The following ROBO1 variants were observed in gnomAD, a reference collection of about 807,000 sequenced individuals.
ROBO1 encodes the protein roundabout homolog 1.
Under a neutral mutation model 195.9 loss-of-function variants are expected in ROBO1, and 149 were observed. The ratio of observed to expected loss-of-function variants is 0.76; its 90% CI spans 0.67 to 0.87. The LOEUF (loss-of-function observed/expected upper bound fraction) is 0.87. Among genes scored for constraint, ROBO1 ranks in the 40% least tolerant of loss-of-function variants. The pLI is 0.00. For synonymous variants in ROBO1, 816 were observed against 733.2 expected (o/e 1.11, Z -1.82); for missense variants, 1,933 against 2,068.3 (o/e 0.93, Z 1.27).
chr3:78,887,404 A>G (rs1481149658), intron 4 of ROBO1, among the ~76,000 whole-genome samples: 1 of 152,206 alleles, frequency 6.6e-6, no homozygotes, highest in African/African-American at 2.4e-5. Context: ...ATGTAAATGA[A>G]AGCTTAACAT....
chr3:79,619,111 C>A (rs1342613297), intron 1 of ROBO1, among the ~76,000 whole-genome samples: 1 of 78,902 alleles, frequency 1.3e-5, no homozygotes, highest in African/African-American at 1.1e-4. Flanking sequence ...TGCAGAGACA[C>A]CTGCCCTCAT....
At chr3:79,333,665 A>C (rs530970570) in intron 2 of ROBO1, among the ~76,000 whole-genome samples, 11 of 152,078 alleles carry the variant, frequency 7.2e-5, no homozygotes, top group African/African-American at 2.4e-4. Context: ...CACACCAAAC[A>C]CTCACAGATC....
intron 3 of ROBO1, among the ~76,000 whole-genome samples, chr3:78,943,077 G>C (rs747283876): frequency 6.6e-6 from 1 of 151,868 alleles, no homozygotes; most frequent in Non-Finnish European, 1.5e-5. Flanking sequence ...TTAGCCAGGC[G>C]TGGTGGCAGG....
chr3:79,313,224 A>G (rs562938674), intron 2 of ROBO1, among the ~76,000 whole-genome samples: 21 of 152,044 alleles, frequency 1.4e-4, no homozygotes, highest in East Asian at 9.7e-4. Context: ...TTTCAAATGT[A>G]GTAGTTGAAA....
At chr3:79,480,289 C>A (rs1938769637) in intron 2 of ROBO1, among the ~76,000 whole-genome samples, 1 of 152,090 alleles carries the variant, frequency 6.6e-6, no homozygotes, top group South Asian at 2.1e-4. Flanking sequence ...TTCTTTGATG[C>A]AGTGAACTGG....
Position 78,938,587 on chromosome 3 carries a change from C to T in ROBO1, c.499+14G>A. On this transcript the variant is annotated intron_variant, in intron 4 of 30. Coordinates refer to ENST00000464233, the MANE Select transcript of ROBO1 (RefSeq NM_002941.4). ...CACTCCCTCTGCCAAACACAGAGCG[C>T]CCAGTTTACTTACTGGCTACTTCCA... The T allele has an allele frequency of 6.3e-7, 1 of 1,595,092 alleles. No individual in the cohort carries two copies. Among genetic ancestry groups the T allele is most frequent in the African/African-American group, 1.3e-5 (1 of 74,666 alleles).
At chr3:79,350,051 G>C (rs2035278604) in intron 2 of ROBO1, among the ~76,000 whole-genome samples, 1 of 152,108 alleles carries the variant, frequency 6.6e-6, no homozygotes, top group Non-Finnish European at 1.5e-5. Context: ...TCTGATAAAG[G>C]ATCTGTGTTT....
At position 79,183,080 on chromosome 3, in the gene ROBO1, C is replaced by CAAAA. The variant is rs1304597488; in HGVS notation, c.89-57545_89-57542dup. On this transcript the variant is annotated intron_variant, in intron 2 of 30. Transcript: ENST00000464233. ...TGGGTGACAGAGAGAGACTCCAACT[C>CAAAA]AAAAAAAAAAAAAAAAAGATACATA... Among the ~76,000 whole-genome samples the CAAAA allele has an allele frequency of 3.1e-4, 20 of 64,830 alleles. 1 individual carries two copies. The highest frequency in any genetic ancestry group is 1.1e-3 in the African/African-American group (20 of 18,602). 42.5% of individuals were successfully genotyped at this position (64,830 alleles called of 152,430 possible). A position where few individuals can be genotyped will look rare whatever the true frequency, so the allele number is the denominator to read the frequency against.
At chr3:79,298,680 C>T (rs2032726629) in intron 2 of ROBO1, among the ~76,000 whole-genome samples, 2 of 151,864 alleles carry the variant, frequency 1.3e-5, no homozygotes, top group Admixed American at 1.3e-4. Flanking sequence ...TTAATGGGTG[C>T]AAAGTAGAAA....
intron 4 of ROBO1, among the ~76,000 whole-genome samples, chr3:78,854,928 G>T (rs2034319619): frequency 6.6e-6 from 1 of 152,124 alleles, no homozygotes; most frequent in Admixed American, 6.6e-5. Flanking sequence ...TCGATAGAAT[G>T]ATATAACCTA....
chr3:79,212,268 A>T (rs1039302184), intron 2 of ROBO1, among the ~76,000 whole-genome samples: 2 of 152,156 alleles, frequency 1.3e-5, no homozygotes, highest in Non-Finnish European at 2.9e-5. Flanking sequence ...GTTTGTGGCC[A>T]GATCTGGGGG....
chr3:79,690,491 G>A (rs1444848785), intron 1 of ROBO1, among the ~76,000 whole-genome samples: 1 of 151,886 alleles, frequency 6.6e-6, no homozygotes, highest in Non-Finnish European at 1.5e-5. Flanking sequence ...TTCTCCCCTA[G>A]AGCCCACAGA....
At chr3:79,277,544 A>G (rs571278271) in intron 2 of ROBO1, among the ~76,000 whole-genome samples, 1 of 152,224 alleles carries the variant, frequency 6.6e-6, no homozygotes, top group East Asian at 1.9e-4. Context: ...TATAGAATAA[A>G]TAAGATCTAG....
At chr3:78,724,938 C>T (rs114733191) in intron 5 of ROBO1, among the ~76,000 whole-genome samples, 59 of 152,200 alleles carry the variant, frequency 3.9e-4, no homozygotes, top group African/African-American at 1.4e-3. Flanking sequence ...ATTTGACAGT[C>T]GAATTGTAAA....
chr3:78,924,238 A>C lies in ROBO1; in HGVS notation c.499+14363T>G, dbSNP rs528804047. Among the ~76,000 whole-genome samples the C allele has an allele frequency of 3.3e-5, 5 of 152,238 alleles. No individual in the cohort carries two copies. The South Asian group carries it at 1.0e-3, about 32-fold the overall frequency. On this transcript the variant is annotated intron_variant, in intron 4 of 30. Transcript: ENST00000464233. ...ATGTGACAGTTACATCTAAACTTGA[A>C]GCTGCAAAATAATTTCAAATTAAAT...
intron 4 of ROBO1, among the ~76,000 whole-genome samples, chr3:78,936,115 C>G (rs1000179466): frequency 6.6e-6 from 1 of 151,826 alleles, no homozygotes; most frequent in African/African-American, 2.4e-5. Context: ...AACTTTGGTG[C>G]ATTACTTCAA....
chr3:79,642,635 T>C (rs1382849983), intron 1 of ROBO1, among the ~76,000 whole-genome samples: 1 of 152,106 alleles, frequency 6.6e-6, no homozygotes, highest in African/African-American at 2.4e-5. Context: ...AAGTAAAATA[T>C]TGCTATACAA....
intron 3 of ROBO1, among the ~76,000 whole-genome samples, chr3:79,070,620 A>C (rs2079072308): frequency 1.3e-5 from 2 of 151,750 alleles, no homozygotes; most frequent in Non-Finnish European, 1.5e-5. Flanking sequence ...TGTGGGAAGT[A>C]ATTTGTGAGG....
Position 78,647,621 on chromosome 3 carries a change from A to G in ROBO1, c.2839+8T>C, listed in dbSNP as rs754854111. 3 of 1,611,036 alleles carry G rather than the reference A, an allele frequency of 1.9e-6. 1 individual carries two copies. Among genetic ancestry groups the G allele is most frequent in the South Asian group, 1.1e-5 (1 of 91,000 alleles). ...ATGGAAAGGAGGAGGGTAAGTGCAA[A>G]TATATACCTGTTGGTGTGAAGGTAA... On this transcript the variant is annotated splice_region_variant and intron_variant, in intron 20 of 30. Coordinates refer to ENST00000464233, the MANE Select transcript of ROBO1 (RefSeq NM_002941.4).
Sources: allele counts gnomAD v4.1 joint callset (sites outside exome capture counted in the v4.1 genomes callset), GRCh38; gene constraint gnomAD v4.1.1; transcripts MANE v1.5; gene names NCBI Gene and HGNC (gene_info 2026-07-23, HGNC 2026-07-21).